Variants in SLC38A11 observed in about 807,000 individuals in gnomAD.
SLC38A11 encodes putative sodium-coupled neutral amino acid transporter 11.
A neutral mutation model predicts 49.4 loss-of-function variants in SLC38A11; 51 were observed. The ratio of observed to expected loss-of-function variants is 1.03; its 90% CI spans 0.83 to 1.30. The LOEUF (loss-of-function observed/expected upper bound fraction) is 1.30. Among genes scored for constraint, SLC38A11 ranks in the 50% most tolerant of loss-of-function variants. The probability of loss-of-function intolerance (pLI) is 0.00; values close to 1 mark genes in which losing one functional copy is unlikely to be tolerated. For synonymous variants in SLC38A11, 203 were observed against 192.9 expected, an observed-to-expected ratio of 1.05 and a Z score of -0.43; for missense variants, 574 against 556.2, an observed-to-expected ratio of 1.03 and a Z score of -0.32.
chr2:164,895,054 C>G lies in SLC38A11; in HGVS notation c.*3383G>C, dbSNP rs1250178894. 1.3e-5 allele frequency among the ~76,000 whole-genome samples: 2 copies of G among 152,142 alleles called. No homozygotes were observed. Among genetic ancestry groups the G allele is most frequent in the African/African-American group, 4.8e-5 (2 of 41,434 alleles). ...AAATTCTGAGGCCCCACTCCAAGTA[C>G]TGAATCAGAAACTGTGGGGGTGAAG... On this transcript the variant is annotated 3_prime_UTR_variant, in exon 12 of 12. Coordinates refer to ENST00000685975, the MANE Select transcript of SLC38A11 (RefSeq NM_001351537.2).
chr2:164,943,488 A>G (rs965211051), intron 5 of SLC38A11, among the ~76,000 whole-genome samples: 3 of 152,224 alleles, frequency 2.0e-5, no homozygotes, highest in Non-Finnish European at 4.4e-5. Context: ...AAAAGAAGCC[A>G]GACTCAAAAA....
chr2:164,918,791 T>C (rs1032437587), intron 7 of SLC38A11, among the ~76,000 whole-genome samples: 1 of 152,192 alleles, frequency 6.6e-6, no homozygotes, highest in African/African-American at 2.4e-5. Flanking sequence ...AGTGGGCTGA[T>C]GTACACAAAC....
At chr2:164,929,897 C>A (rs35868310) in intron 7 of SLC38A11, among the ~76,000 whole-genome samples, 10,478 of 151,428 alleles carry the variant, frequency 0.069, 396 homozygotes, top group Admixed American at 0.1. Flanking sequence ...TAGCAGAAGA[C>A]AAGAAATAAC....
chr2:164,903,153 G>A (rs1684770143), intron 11 of SLC38A11, among the ~76,000 whole-genome samples: 1 of 151,648 alleles, frequency 6.6e-6, no homozygotes, highest in Non-Finnish European at 1.5e-5. Flanking sequence ...ATAACAATTT[G>A]TGAAAACAAC....
intron 7 of SLC38A11, among the ~76,000 whole-genome samples, chr2:164,930,968 C>T (rs1686960346): frequency 6.6e-6 from 1 of 152,020 alleles, no homozygotes. Flanking sequence ...GTCAAACTAT[C>T]CCTATTTGCA....
chr2:164,915,263 G>A lies in SLC38A11; in HGVS notation c.699C>T (p.Cys233=). The change falls in exon 9 of 12, where the codon TGC becomes TGT. Residue 233 remains cysteine (C), a synonymous_variant. Coordinates refer to ENST00000685975, the MANE Select transcript of SLC38A11 (RefSeq NM_001351537.2). The part of the protein sequence containing the change: ...AVGVMSFAFI[C]HHNSFLVYSS... ...TGTAAACTAAGAAGGAGTTATGGTG[G>A]CAAATAAATGCTGCAATACAAAAAA... 2 of 1,590,172 alleles carry A rather than the reference G, an allele frequency of 1.3e-6. No individual in the cohort carries two copies. Among genetic ancestry groups the A allele is most frequent in the Non-Finnish European group, 1.7e-6 (2 of 1,171,872 alleles).
chr2:164,928,778 A>G (rs141298367), intron 7 of SLC38A11, among the ~76,000 whole-genome samples: 63 of 152,232 alleles, frequency 4.1e-4, no homozygotes, highest in Non-Finnish European at 8.4e-4. Flanking sequence ...TTGAAAAAAT[A>G]TAGGTTATCA....
In SLC38A11 at chr2:164,954,690, G is replaced by T. The variant is rs756739515; in HGVS notation, c.95C>A (p.Thr32Asn). The T allele has an allele frequency of 6.5e-5, 100 of 1,543,358 alleles. No individual in the cohort carries two copies. Among genetic ancestry groups the T allele is most frequent in the East Asian group, 2.5e-5 (1 of 40,754 alleles). The change falls in exon 2 of 12, where the codon ACC becomes AAC. Residue 32 changes from threonine to asparagine, a missense_variant. Coordinates refer to ENST00000685975, the MANE Select transcript of SLC38A11 (RefSeq NM_001351537.2). ...ATTAAAAAGAGCAGCAGACTGACAG[G>T]TTTTCTCTTTATACTCATGTTCAGA... ...LVSEHEYKEKTCQSAALFNVV... is the reference protein window; with the variant it reads ...LVSEHEYKEKNCQSAALFNVV...
chr2:164,926,230 T>C lies in SLC38A11; in HGVS notation c.618-10257A>G, dbSNP rs567883226. On this transcript the variant is annotated intron_variant, in intron 7 of 11. Coordinates refer to ENST00000685975, the MANE Select transcript of SLC38A11 (RefSeq NM_001351537.2). ...CTAGTTACTCACCTGTTTAAGAACT[T>C]TCAATGCCCTATCAACTAAAGAACA... Among the ~76,000 whole-genome samples the C allele has an allele frequency of 1.1e-4, 17 of 152,296 alleles. No individual in the cohort carries two copies. The South Asian group carries it at 3.5e-3, about 32-fold the overall frequency.
At chr2:164,943,515 A>G (rs1393218456) in intron 5 of SLC38A11, among the ~76,000 whole-genome samples, 2 of 152,218 alleles carry the variant, frequency 1.3e-5, no homozygotes, top group Non-Finnish European at 2.9e-5. Flanking sequence ...ATATGGTATG[A>G]TGTCATTTAC....
Position 164,896,383 on chromosome 2 carries a change from A to C in SLC38A11, c.*2054T>G, listed in dbSNP as rs1684376441. 6.6e-6 allele frequency: 1 copy of C among 152,174 alleles called. No homozygotes were observed. The highest frequency in any genetic ancestry group is 6.6e-5 in the Admixed American group (1 of 15,264). The allele number at this position is 152,174 out of a possible 1,614,324, so 9.4% of individuals were successfully genotyped here. A position where few individuals can be genotyped will look rare whatever the true frequency, so the allele number is the denominator to read the frequency against. ...GAAGAGTATGAAGCAACACCAAAGT[A>C]CAAGATAAGAGATGGTTACGTGCTA... On this transcript the variant is annotated 3_prime_UTR_variant, in exon 12 of 12. Coordinates refer to ENST00000685975, the MANE Select transcript of SLC38A11 (RefSeq NM_001351537.2).
intron 11 of SLC38A11, 27 bp downstream of exon 11, chr2:164,908,613 A>T (rs377312064): frequency 6.8e-7 from 1 of 1,464,606 alleles, no homozygotes; most frequent in Non-Finnish European, 9.1e-7. Flanking sequence ...TTTTAGAGTG[A>T]AGGGGTAAAT....
chr2:164,918,949 G>C (rs1321865999), intron 7 of SLC38A11, among the ~76,000 whole-genome samples: 1 of 151,736 alleles, frequency 6.6e-6, no homozygotes. Context: ...ACACACAAAT[G>C]GGAAGACTCA....
intron 9 of SLC38A11, among the ~76,000 whole-genome samples, chr2:164,913,362 G>A (rs770762989): frequency 6.6e-6 from 1 of 151,946 alleles, no homozygotes; most frequent in Non-Finnish European, 1.5e-5. Flanking sequence ...TTGTCTTTTC[G>A]AAAGTCACTA....
intron 7 of SLC38A11, among the ~76,000 whole-genome samples, chr2:164,932,482 A>G (rs1315830373): frequency 1.3e-5 from 2 of 152,118 alleles, no homozygotes; most frequent in African/African-American, 4.8e-5. Context: ...AAGACATGGA[A>G]TCAACCTAAA....
rs867507583 is a variant in SLC38A11 at position 164,898,544 on chromosome 2, C to T, written c.1282G>A (p.Glu428Lys). Residue 428 changes from glutamate (E) to lysine (K), a missense_variant, in exon 12 of 12, where the codon GAA becomes AAA. Transcript: ENST00000685975. ...TTGTCAGGAAAGCAGTAGAACATTT[C>T]CTGCCCATGGGTGCAGTCTTGAGTA... ...TNTQDCTHGQ[E>K]MFYCFPDNFS... 1.9e-6 allele frequency: 3 copies of T among 1,613,588 alleles called. No individual in the cohort carries two copies. The highest frequency in any genetic ancestry group is 3.3e-5 in the Admixed American group (2 of 59,908).
At position 164,907,254 on chromosome 2, in the gene SLC38A11, C is replaced by T. The variant is rs1439225217; in HGVS notation, c.1095+1386G>A. Among the ~76,000 whole-genome samples, 5 of 148,622 alleles carry T rather than the reference C, an allele frequency of 3.4e-5. No homozygotes were observed. The South Asian group carries it at 8.7e-4, about 26-fold the overall frequency. On this transcript the variant is annotated intron_variant, in intron 11 of 11. Transcript: ENST00000685975. ...GTGTTTTGGGAATCCATCCATTTCCCTCTGTCTTCTTTTCTCTTTTTTTTT... is the reference window on the plus strand; with the variant it reads ...GTGTTTTGGGAATCCATCCATTTCCTTCTGTCTTCTTTTCTCTTTTTTTTT...
In SLC38A11 at chr2:164,952,767, T is replaced by C. The variant is rs1393498665; in HGVS notation, c.169A>G (p.Met57Val). Residue 57 changes from methionine (M) to valine (V), a missense_variant, in exon 3 of 12, where the codon ATG (methionine) becomes GTG (valine). Met to Val is a conservative substitution (Grantham distance 21). Coordinates refer to ENST00000685975, the MANE Select transcript of SLC38A11 (RefSeq NM_001351537.2). ...CCCAAAGGAAACCCAGCTTGCTTCA[T>C]TGAATAAGGCAATCCTGAAAAAACA... ...GSGIIGLPYS[M>V]KQAGFPLGIL... 7 of 1,605,650 alleles carry C rather than the reference T, an allele frequency of 4.4e-6. No homozygotes were observed. Among genetic ancestry groups the C allele is most frequent in the South Asian group, 1.1e-5 (1 of 88,596 alleles).
At chr2:164,939,994 G>GTTTTTT (rs10707733) in intron 5 of SLC38A11, among the ~76,000 whole-genome samples, 2 of 137,284 alleles carry the variant, frequency 1.5e-5, no homozygotes, top group Non-Finnish European at 1.6e-5. Flanking sequence ...ATTTTCTAAG[G>GTTTTTT]TTTTTTTTTT....
Sources: gnomAD v4.1 joint callset for allele counts (sites outside exome capture counted in the v4.1 genomes callset) on GRCh38, gnomAD v4.1.1 for gene constraint, MANE v1.5 for transcripts, NCBI Gene and HGNC (gene_info 2026-07-23, HGNC 2026-07-21) for gene names.